Variants in HIBADH observed in about 807,000 individuals in gnomAD.
HIBADH encodes 3-hydroxyisobutyrate dehydrogenase, also known as 3-hydroxyisobutyrate dehydrogenase, mitochondrial.
A neutral mutation model predicts 36.1 loss-of-function variants in HIBADH; 25 were observed. The observed-to-expected ratio is 0.69, with a 90% CI of 0.50 to 0.97. The LOEUF is 0.97. HIBADH is among the 50% of genes least tolerant of loss of function. The pLI is 0.00. For missense variants in HIBADH, 421 were observed against 418.0 expected (o/e 1.01, Z -0.06); for synonymous variants, 160 against 149.5 (o/e 1.07, Z -0.51).
At chr7:27,644,961 G>A (rs1232104098) in intron 2 of HIBADH, among the ~76,000 whole-genome samples, 2 of 152,014 alleles carry the variant, frequency 1.3e-5, no homozygotes, top group Non-Finnish European at 2.9e-5. Flanking sequence ...TGCTTTCAAG[G>A]TTTATCAATG....
At chr7:27,538,850 A>T (rs1784106523) in intron 5 of HIBADH, among the ~76,000 whole-genome samples, 1 of 152,148 alleles carries the variant, frequency 6.6e-6, no homozygotes, top group Non-Finnish European at 1.5e-5. Flanking sequence ...AGGAACAGAG[A>T]GGAAGTGGAA....
chr7:27,632,190 G>C, intron 3 of HIBADH, 146 bp downstream of exon 3: 1 of 551,158 alleles, frequency 1.8e-6, no homozygotes, highest in Non-Finnish European at 3.1e-6. Context: ...CTTTTACAAT[G>C]AGAAAACCAC....
At chr7:27,588,282 C>T (rs1185370563) in intron 4 of HIBADH, among the ~76,000 whole-genome samples, 72 of 152,054 alleles carry the variant, frequency 4.7e-4, no homozygotes, top group Non-Finnish European at 4.4e-5. Context: ...GAAAGGAGGT[C>T]CAGGATAAAT....
intron 2 of HIBADH, among the ~76,000 whole-genome samples, chr7:27,644,093 T>C (rs1288624981): frequency 2.0e-5 from 3 of 152,196 alleles, no homozygotes; most frequent in Admixed American, 2.0e-4. Context: ...AATTCACCCA[T>C]TTAAAGTATA....
chr7:27,541,547 C>A (rs1468720475), intron 5 of HIBADH, among the ~76,000 whole-genome samples: 1 of 152,182 alleles, frequency 6.6e-6, no homozygotes, highest in Non-Finnish European at 1.5e-5. Flanking sequence ...CTATTCTTTT[C>A]TTTGTTTACA....
At chr7:27,542,415 C>A (rs903221806) in intron 5 of HIBADH, among the ~76,000 whole-genome samples, 5 of 147,940 alleles carry the variant, frequency 3.4e-5, no homozygotes, top group African/African-American at 5.0e-5. Flanking sequence ...ATGTCAAGAT[C>A]CTAATAATGA....
intron 4 of HIBADH, among the ~76,000 whole-genome samples, chr7:27,567,906 C>A (rs1481572457): frequency 2.0e-5 from 3 of 152,096 alleles, no homozygotes; most frequent in Non-Finnish European, 4.4e-5. Flanking sequence ...CATATGCATT[C>A]AGTACACTCC....
intron 4 of HIBADH, 25 bp from the exon 5 acceptor site, chr7:27,543,125 T>C (rs762252127): frequency 2.3e-5 from 37 of 1,611,084 alleles, no homozygotes; most frequent in Non-Finnish European, 2.9e-5. Flanking sequence ...GGTAAAGGGA[T>C]AGAAGCAAAA....
chr7:27,584,602 T>C (rs891481784), intron 4 of HIBADH, among the ~76,000 whole-genome samples: 4 of 152,206 alleles, frequency 2.6e-5, no homozygotes, highest in East Asian at 1.9e-4. Context: ...AAAATGCAGA[T>C]AGTATAGCTG....
chr7:27,662,789 G>A lies in HIBADH; in HGVS notation c.-1C>T, dbSNP rs960691914. The A allele has an allele frequency of 3.4e-6, 5 of 1,466,508 alleles. No individual in the cohort carries two copies. Among genetic ancestry groups the A allele is most frequent in the African/African-American group, 2.9e-5 (2 of 68,034 alleles). 90.8% of individuals were successfully genotyped at this position (1,466,508 alleles called of 1,614,324 possible). A position where few individuals can be genotyped will look rare whatever the true frequency, so the allele number is the denominator to read the frequency against. ...CGAGGAGCCGTAAGGAGGCTGCCAT[G>A]CTGCGCCCGCCCCTCTCCCCGCGGT... is the stretch of plus-strand genomic sequence containing the variant. On this transcript the variant is annotated 5_prime_UTR_variant, in exon 1 of 8. Coordinates refer to ENST00000265395, the MANE Select transcript of HIBADH (RefSeq NM_152740.4).
At chr7:27,638,326 A>AAAAAAAAAAAAG (rs1785889948) in intron 2 of HIBADH, among the ~76,000 whole-genome samples, 1 of 137,888 alleles carries the variant, frequency 7.3e-6, no homozygotes, top group Non-Finnish European at 1.6e-5. Context: ...AAAAAAAAAA[A>AAAAAAAAAAAAG]AAAACAAGCA....
At position 27,619,106 on chromosome 7, in the gene HIBADH, C is replaced by T. The variant is rs1429821757; in HGVS notation, c.484+10265G>A. Among the ~76,000 whole-genome samples the T allele has an allele frequency of 5.9e-5, 9 of 152,256 alleles. No individual in the cohort carries two copies. In the East Asian group the frequency reaches 1.7e-3, roughly 29 times the overall value. On this transcript the variant is annotated intron_variant, in intron 4 of 7. Coordinates refer to ENST00000265395, the MANE Select transcript of HIBADH (RefSeq NM_152740.4). ...GCCACCACTAGGGCCTGAACACTGG[C>T]CTACCTGGCTTCCCAGTCCACACCA...
chr7:27,565,038 C>A (rs563238830), intron 4 of HIBADH, among the ~76,000 whole-genome samples: 1 of 152,104 alleles, frequency 6.6e-6, no homozygotes, highest in Non-Finnish European at 1.5e-5. Context: ...AACCTTTAAG[C>A]GTGCCTTTCA....
At chr7:27,582,734 C>G (rs1784811168) in intron 4 of HIBADH, among the ~76,000 whole-genome samples, 1 of 152,124 alleles carries the variant, frequency 6.6e-6, no homozygotes, top group South Asian at 2.1e-4. Flanking sequence ...GCTGGGCGAG[C>G]TGCTCTTTGT....
At chr7:27,642,023 G>A (rs985179225) in intron 2 of HIBADH, among the ~76,000 whole-genome samples, 4 of 152,312 alleles carry the variant, frequency 2.6e-5, no homozygotes, top group African/African-American at 9.6e-5. Flanking sequence ...GTGTATTGGG[G>A]GAGGAGTGGC....
At chr7:27,617,161 T>A (rs754135155) in intron 4 of HIBADH, among the ~76,000 whole-genome samples, 61 of 152,330 alleles carry the variant, frequency 4.0e-4, no homozygotes, top group Middle Eastern at 3.4e-3. Context: ...TGCCATTTTT[T>A]ATCTTTTATA....
chr7:27,532,279 C>A (rs1784013427), intron 6 of HIBADH, among the ~76,000 whole-genome samples: 1 of 152,158 alleles, frequency 6.6e-6, no homozygotes, highest in African/African-American at 2.4e-5. Context: ...TATTTGGTTT[C>A]TTTCATACAC....
At chr7:27,545,722 T>G (rs992609076) in intron 4 of HIBADH, among the ~76,000 whole-genome samples, 1 of 152,198 alleles carries the variant, frequency 6.6e-6, no homozygotes, top group African/African-American at 2.4e-5. Context: ...TTTTATTAAT[T>G]ATATATACAA....
intron 4 of HIBADH, among the ~76,000 whole-genome samples, chr7:27,620,740 G>GA (rs1785526398): frequency 1.3e-5 from 2 of 151,662 alleles, no homozygotes. Context: ...ATCACACAAA[G>GA]AAAAAAGGAC....
Sources: allele counts gnomAD v4.1 joint callset (sites outside exome capture counted in the v4.1 genomes callset), GRCh38; gene constraint gnomAD v4.1.1; transcripts MANE v1.5; gene names NCBI Gene and HGNC (gene_info 2026-07-23, HGNC 2026-07-21).